DRC11: variants seen among roughly 807,000 people sequenced by gnomAD.
DRC11 encodes the protein IQ and AAA domain-containing protein 1.
At chr2:236,445,450 A>G in the DRC11 span, among the ~76,000 whole-genome samples, 1 of 151,580 alleles carries the variant, frequency 6.6e-6, no homozygotes, top group Non-Finnish European at 1.5e-5. The surrounding 1 kb of genome is among the most constrained non-coding windows in gnomAD (Gnocchi z 4.8). Context: ...CTCATGCCTC[A>G]GCCTCCCGAG....
At chr2:236,449,824 G>A in the DRC11 span, among the ~76,000 whole-genome samples, 1 of 152,178 alleles carries the variant, frequency 6.6e-6, no homozygotes, top group African/African-American at 2.4e-5. This position sits in a 1 kb window ranked among gnomAD's most constrained non-coding sequence, Gnocchi z 5.1. Flanking sequence ...GATGATGGAA[G>A]CACACTGGGC....
chr2:236,363,636 G>A, the DRC11 span: 11 of 680,946 alleles, frequency 1.6e-5, no homozygotes, highest in East Asian at 1.5e-4. This position sits in a 1 kb window ranked among gnomAD's most constrained non-coding sequence, Gnocchi z 5.6. Flanking sequence ...TTGGCCATAC[G>A]CAATAATGAA....
the DRC11 span, among the ~76,000 whole-genome samples, chr2:236,420,801 T>C: frequency 6.6e-6 from 1 of 151,980 alleles, no homozygotes; most frequent in Admixed American, 6.6e-5. This position sits in a 1 kb window ranked among gnomAD's most constrained non-coding sequence, Gnocchi z 4.8. Context: ...CAGAGTGAGA[T>C]CCTGCCTCAA....
the DRC11 span, among the ~76,000 whole-genome samples, chr2:236,488,728 T>C: frequency 5.1e-4 from 78 of 152,328 alleles, no homozygotes; most frequent in African/African-American, 1.8e-3. Context: ...GTCTATAAAC[T>C]TGCATCTTAA....
At chr2:236,366,975 A>ATTTTTTTTTT in the DRC11 span, among the ~76,000 whole-genome samples, 2 of 127,392 alleles carry the variant, frequency 1.6e-5, no homozygotes, top group Non-Finnish European at 3.3e-5. Flanking sequence ...ACACCCGGCT[A>ATTTTTTTTTT]TTTTTTTTTT....
At chr2:236,358,148 G>GAT in the DRC11 span, among the ~76,000 whole-genome samples, 1 of 118,480 alleles carries the variant, frequency 8.4e-6, no homozygotes, top group African/African-American at 3.4e-5. Flanking sequence ...TATATAAATA[G>GAT]ATATATACTA....
chr2:236,502,548 CAAAAAAAAAAAA>C, the DRC11 span, among the ~76,000 whole-genome samples: 1,585 of 15,040 alleles, frequency 0.11, 45 homozygotes, highest in African/African-American at 0.21. Context: ...TGCACTCCAG[CAAAAAAAAAAAA>C]AAAAAAAAAA....
chr2:236,384,977 T>G, the DRC11 span, among the ~76,000 whole-genome samples: 69 of 151,204 alleles, frequency 4.6e-4, no homozygotes, highest in Middle Eastern at 3.4e-3. Context: ...TTGTAGATAT[T>G]TGGCGTTATT....
the DRC11 span, among the ~76,000 whole-genome samples, chr2:236,416,815 C>T: frequency 7.1e-6 from 1 of 140,038 alleles, no homozygotes; most frequent in African/African-American, 2.7e-5. Flanking sequence ...GGCTGGAGTG[C>T]AGTGGCACAT....
chr2:236,482,091 T>C, the DRC11 span, among the ~76,000 whole-genome samples: 1 of 99,972 alleles, frequency 1.0e-5, no homozygotes, highest in Non-Finnish European at 2.1e-5. This position sits in a 1 kb window ranked among gnomAD's most constrained non-coding sequence, Gnocchi z 4.5. Flanking sequence ...TGTATAATTC[T>C]ATGTATAATT....
the DRC11 span, among the ~76,000 whole-genome samples, chr2:236,399,192 G>C: frequency 7.2e-5 from 11 of 152,192 alleles, no homozygotes; most frequent in East Asian, 2.1e-3. The surrounding 1 kb of genome is among the most constrained non-coding windows in gnomAD (Gnocchi z 7.0). Flanking sequence ...GTTTCACCAT[G>C]TTGGCCAGGC....
chr2:236,469,996 A>G, the DRC11 span, among the ~76,000 whole-genome samples: 1 of 152,210 alleles, frequency 6.6e-6, no homozygotes, highest in Non-Finnish European at 1.5e-5. This position sits in a 1 kb window ranked among gnomAD's most constrained non-coding sequence, Gnocchi z 5.8. Context: ...CGAAACCTAC[A>G]TTTATAGCAA....
At chr2:236,352,182 G>C in the DRC11 span, among the ~76,000 whole-genome samples, 1 of 152,060 alleles carries the variant, frequency 6.6e-6, no homozygotes, top group African/African-American at 2.4e-5. The surrounding 1 kb of genome is among the most constrained non-coding windows in gnomAD (Gnocchi z 7.0). Context: ...TCGAAGCCAG[G>C]GGGCCAATGA....
chr2:236,493,117 G>A, the DRC11 span, among the ~76,000 whole-genome samples: 2 of 152,170 alleles, frequency 1.3e-5, no homozygotes, highest in Non-Finnish European at 2.9e-5. Flanking sequence ...GGCAGAAGGT[G>A]AAAGGCACAT....
the DRC11 span, among the ~76,000 whole-genome samples, chr2:236,311,509 G>A: frequency 6.6e-6 from 1 of 152,188 alleles, no homozygotes; most frequent in Non-Finnish European, 1.5e-5. The surrounding 1 kb of genome is among the most constrained non-coding windows in gnomAD (Gnocchi z 6.9). Flanking sequence ...GGCCAGAACT[G>A]ACCTTGCTCT....
At chr2:236,415,848 C>G in the DRC11 span, among the ~76,000 whole-genome samples, 2 of 152,198 alleles carry the variant, frequency 1.3e-5, no homozygotes, top group African/African-American at 4.8e-5. The surrounding 1 kb of genome is among the most constrained non-coding windows in gnomAD (Gnocchi z 5.7). Context: ...AAGTATAAAA[C>G]TCCCTTGTGC....
At chr2:236,450,321 T>C in the DRC11 span, among the ~76,000 whole-genome samples, 16 of 135,626 alleles carry the variant, frequency 1.2e-4, no homozygotes, top group Admixed American at 5.8e-4. Flanking sequence ...TTTCTTTTTT[T>C]TTTTTTTTTT....
chr2:236,419,173 C>A, the DRC11 span: 1 of 1,533,948 alleles, frequency 6.5e-7, no homozygotes, highest in South Asian at 1.3e-5. This position sits in a 1 kb window ranked among gnomAD's most constrained non-coding sequence, Gnocchi z 4.8. Flanking sequence ...TTGTTCCTTT[C>A]TTTTGTTTTT....
the DRC11 span, among the ~76,000 whole-genome samples, chr2:236,446,113 C>T: frequency 6.6e-6 from 1 of 152,136 alleles, no homozygotes; most frequent in Admixed American, 6.5e-5. This position sits in a 1 kb window ranked among gnomAD's most constrained non-coding sequence, Gnocchi z 6.2. Flanking sequence ...TTTCTCCCTC[C>T]CTCGATTTTC....
Sources: allele counts gnomAD v4.1 joint callset (sites outside exome capture counted in the v4.1 genomes callset), GRCh38; gene constraint gnomAD v4.1.1; non-coding constraint Gnocchi (gnomAD v3.1); transcripts MANE v1.5; gene names NCBI Gene and HGNC (gene_info 2026-07-23, HGNC 2026-07-21).